Variants in LDB2 observed in about 807,000 individuals in gnomAD.
The protein encoded by LDB2 is LIM domain-binding protein 2.
LDB2 carries 12 observed loss-of-function variants against 44.3 expected under a neutral mutation model. That is an observed-to-expected ratio of 0.27 (90% CI 0.17 to 0.44). LDB2 has a LOEUF of 0.44. Among genes scored for constraint, LDB2 ranks in the 20% least tolerant of loss-of-function variants. The pLI, the probability that LDB2 is intolerant of heterozygous loss-of-function variation, is 1.00. For synonymous variants in LDB2, 164 were observed against 174.8 expected, an observed-to-expected ratio of 0.94 and a Z score of 0.49; for missense variants, 344 against 473.5, an observed-to-expected ratio of 0.73 and a Z score of 2.54.
chr4:16,632,910 C>T (rs1282365969), intron 2 of LDB2, among the ~76,000 whole-genome samples: 1 of 152,102 alleles, frequency 6.6e-6, no homozygotes, highest in Non-Finnish European at 1.5e-5. Context: ...CTAGAAATAC[C>T]ATTTGACCCA....
At chr4:16,769,920 T>A (rs557211759) in intron 1 of LDB2, among the ~76,000 whole-genome samples, 5 of 152,314 alleles carry the variant, frequency 3.3e-5, no homozygotes, top group African/African-American at 1.2e-4. Flanking sequence ...CAAGACTTGG[T>A]ATCCAGTAGA....
At chr4:16,736,115 G>A (rs557686999) in intron 2 of LDB2, among the ~76,000 whole-genome samples, 8 of 152,086 alleles carry the variant, frequency 5.3e-5, no homozygotes, top group African/African-American at 7.2e-5. Flanking sequence ...TCCCACCTCC[G>A]GCTCTCTCAT....
At chr4:16,819,327 G>C (rs1781525954) in intron 1 of LDB2, among the ~76,000 whole-genome samples, 2 of 151,584 alleles carry the variant, frequency 1.3e-5, no homozygotes, top group Non-Finnish European at 2.9e-5. Context: ...GAATAAAATG[G>C]CCATTTGTTA....
chr4:16,631,279 C>G (rs1044853599), intron 2 of LDB2, among the ~76,000 whole-genome samples: 1 of 152,220 alleles, frequency 6.6e-6, no homozygotes, highest in Non-Finnish European at 1.5e-5. Context: ...GATTAAGAAA[C>G]TCACTCGAAA....
chr4:16,563,608 C>G (rs1743353221), intron 5 of LDB2, among the ~76,000 whole-genome samples: 2 of 149,992 alleles, frequency 1.3e-5, no homozygotes, highest in Admixed American at 1.3e-4. Context: ...ACCACCACGC[C>G]TGGCTAATTT....
At chr4:16,749,565 A>AT (rs1356752043) in intron 2 of LDB2, among the ~76,000 whole-genome samples, 51 of 138,720 alleles carry the variant, frequency 3.7e-4, no homozygotes, top group African/African-American at 1.3e-3. Flanking sequence ...TCTCAAAAAA[A>AT]AAAAAAATAA....
chr4:16,670,249 C>T (rs886340698), intron 2 of LDB2, among the ~76,000 whole-genome samples: 4 of 152,168 alleles, frequency 2.6e-5, no homozygotes, highest in Non-Finnish European at 5.9e-5. Flanking sequence ...TCTACTGGTA[C>T]AAGCCAATCT....
At chr4:16,508,737 G>A (rs1382280378) in intron 6 of LDB2, 51 bp from the exon 7 acceptor site, 1 of 1,571,978 alleles carries the variant, frequency 6.4e-7, no homozygotes, top group Admixed American at 1.7e-5. Flanking sequence ...AAAGCAACAA[G>A]GCAATCATCA....
intron 2 of LDB2, among the ~76,000 whole-genome samples, chr4:16,672,769 A>G (rs1745153979): frequency 6.6e-6 from 1 of 152,098 alleles, no homozygotes; most frequent in Admixed American, 6.6e-5. Context: ...CTGCAGTAAC[A>G]CTGAGAGAAT....
At chr4:16,855,532 T>C (rs1789187404) in intron 1 of LDB2, among the ~76,000 whole-genome samples, 1 of 152,166 alleles carries the variant, frequency 6.6e-6, no homozygotes, top group Non-Finnish European at 1.5e-5. Context: ...TCACAAATTA[T>C]AGTTATTCAG....
chr4:16,663,051 G>A (rs1237465618), intron 2 of LDB2, among the ~76,000 whole-genome samples: 1 of 151,750 alleles, frequency 6.6e-6, no homozygotes, highest in African/African-American at 2.4e-5. Context: ...TGTTTCCTGG[G>A]GTCAAAGAAT....
intron 1 of LDB2, among the ~76,000 whole-genome samples, chr4:16,762,553 C>A (rs1446336195): frequency 6.6e-6 from 1 of 152,052 alleles, no homozygotes; most frequent in Non-Finnish European, 1.5e-5. Context: ...AGGGGGAAAC[C>A]CCTTATAAAA....
chr4:16,805,072 G>C (rs1778523530), intron 1 of LDB2, among the ~76,000 whole-genome samples: 1 of 151,650 alleles, frequency 6.6e-6, no homozygotes. Context: ...GAGAGAGGAA[G>C]AGAAAGGAGA....
intron 1 of LDB2, among the ~76,000 whole-genome samples, chr4:16,787,857 A>G (rs931218687): frequency 1.3e-5 from 2 of 152,226 alleles, no homozygotes; most frequent in African/African-American, 4.8e-5. Context: ...TGGACACTGC[A>G]GACACTCAAA....
intron 1 of LDB2, among the ~76,000 whole-genome samples, chr4:16,880,830 G>T (rs1158897600): frequency 6.6e-6 from 1 of 151,182 alleles, no homozygotes; most frequent in East Asian, 1.9e-4. Context: ...TGTGAACCCG[G>T]GAGGCGGAGC....
chr4:16,750,048 T>C (rs1765197083), intron 2 of LDB2, among the ~76,000 whole-genome samples: 1 of 152,238 alleles, frequency 6.6e-6, no homozygotes, highest in African/African-American at 2.4e-5. Flanking sequence ...ATATACAATA[T>C]GTTTTGATAT....
intron 1 of LDB2, among the ~76,000 whole-genome samples, chr4:16,830,570 C>T (rs200133915): frequency 6.6e-6 from 1 of 152,226 alleles, no homozygotes; most frequent in African/African-American, 2.4e-5. Context: ...GCATGTCAGA[C>T]TCTCTGAAGC....
At chr4:16,865,000 C>T (rs373766028) in intron 1 of LDB2, among the ~76,000 whole-genome samples, 22 of 152,256 alleles carry the variant, frequency 1.4e-4, no homozygotes, top group African/African-American at 4.6e-4. Context: ...AATCCCAGCA[C>T]TTCGGGAGGC....
rs1207335966 is a variant in LDB2 at position 16,651,689 on chromosome 4, CTT to C, written c.236-55816_236-55815del. Reference sequence around the variant, plus strand: ...AATGTGCAGTCTTTCCTCGGCTAGACTTTCCTAGACTCCTGTGCGGTCTTTCC... The same window carrying C: ...AATGTGCAGTCTTTCCTCGGCTAGACTCCTAGACTCCTGTGCGGTCTTTCC... On this transcript the variant is annotated intron_variant, in intron 2 of 7. Coordinates refer to ENST00000304523, the MANE Select transcript of LDB2 (RefSeq NM_001290.5). Among the ~76,000 whole-genome samples the C allele has an allele frequency of 2.6e-5, 4 of 152,140 alleles. No homozygotes were observed. In the South Asian group the frequency reaches 6.2e-4, roughly 24 times the overall value.
Sources: gnomAD v4.1 joint callset for allele counts (sites outside exome capture counted in the v4.1 genomes callset) on GRCh38, gnomAD v4.1.1 for gene constraint, MANE v1.5 for transcripts, NCBI Gene and HGNC (gene_info 2026-07-23, HGNC 2026-07-21) for gene names.